The following KIF26B variants were observed in gnomAD, a reference collection of about 807,000 sequenced individuals.
The protein encoded by KIF26B is kinesin family member 26B.
A neutral mutation model predicts 151.2 loss-of-function variants in KIF26B; 63 were observed. The ratio of observed to expected loss-of-function variants is 0.42; its 90% confidence interval spans 0.34 to 0.51. The LOEUF is 0.51. Among genes scored for constraint, KIF26B ranks in the 20% least tolerant of loss-of-function variants. The pLI, the probability that KIF26B is intolerant of heterozygous loss-of-function variation, is 0.07. For missense variants in KIF26B, 2,813 were observed against 2,913.6 expected, an observed-to-expected ratio of 0.97 and a Z score of 0.79; for synonymous variants, 1,357 against 1,262.1, an observed-to-expected ratio of 1.08 and a Z score of -1.59.
chr1:245,402,444 C>T (rs1038429101), intron 3 of KIF26B, among the ~76,000 whole-genome samples: 5 of 152,134 alleles, frequency 3.3e-5, no homozygotes, highest in East Asian at 1.9e-4. Flanking sequence ...ATGTGGCCAA[C>T]GATTCCCATG....
chr1:245,303,299 C>A (rs562464538), intron 2 of KIF26B, among the ~76,000 whole-genome samples: 1 of 149,544 alleles, frequency 6.7e-6, no homozygotes, highest in Non-Finnish European at 1.5e-5. Context: ...CCCGGGTTCA[C>A]GCCATTCTCC....
intron 2 of KIF26B, among the ~76,000 whole-genome samples, chr1:245,328,804 G>A (rs549441055): frequency 1.3e-5 from 2 of 152,296 alleles, no homozygotes; most frequent in Non-Finnish European, 2.9e-5. Flanking sequence ...TCCAGTTGTC[G>A]CTCATCGAGA....
intron 2 of KIF26B, among the ~76,000 whole-genome samples, chr1:245,267,264 T>C (rs370543562): frequency 6.6e-6 from 1 of 152,362 alleles, no homozygotes; most frequent in Admixed American, 6.5e-5. Flanking sequence ...CACACAAGAA[T>C]GTGTGCAGCT....
intron 2 of KIF26B, among the ~76,000 whole-genome samples, chr1:245,300,897 C>G (rs774869984): frequency 3.3e-5 from 5 of 151,356 alleles, no homozygotes; most frequent in Non-Finnish European, 7.4e-5. Flanking sequence ...GTGATGCTAT[C>G]TCAGCTCACT....
intron 4 of KIF26B, among the ~76,000 whole-genome samples, chr1:245,493,301 G>T (rs1660446870): frequency 6.6e-6 from 1 of 152,124 alleles, no homozygotes; most frequent in Admixed American, 6.5e-5. Context: ...AGAGAAAAGT[G>T]CTCCTGGAAT....
chr1:245,276,534 T>C (rs1670942312), intron 2 of KIF26B, among the ~76,000 whole-genome samples: 1 of 152,200 alleles, frequency 6.6e-6, no homozygotes, highest in Non-Finnish European at 1.5e-5. Flanking sequence ...CGCCCTTTCC[T>C]ATTCTAAACC....
intron 5 of KIF26B, among the ~76,000 whole-genome samples, chr1:245,589,607 C>A (rs570117744): frequency 6.6e-6 from 1 of 152,250 alleles, no homozygotes; most frequent in East Asian, 1.9e-4. Context: ...GGGAACAACG[C>A]CAGAAAGACA....
At chr1:245,568,360 T>C (rs1447973178) in intron 5 of KIF26B, among the ~76,000 whole-genome samples, 2 of 151,316 alleles carry the variant, frequency 1.3e-5, no homozygotes, top group Non-Finnish European at 2.9e-5. Context: ...AAATGTTTTT[T>C]AAAAATTAGC....
Position 245,668,177 on chromosome 1 carries a change from T to G in KIF26B, c.2259-16056T>G, listed in dbSNP as rs186178149. 7.9e-5 allele frequency among the ~76,000 whole-genome samples: 12 copies of G among 152,314 alleles called. No individual in the cohort carries two copies. In the East Asian group the frequency reaches 2.1e-3, roughly 27 times the overall value. ...TCCCAAAGTGCTGGGTTTACAGATGTGAGCCACCAAGCCCGGCCCCCTATT... is the reference window on the plus strand; with the variant it reads ...TCCCAAAGTGCTGGGTTTACAGATGGGAGCCACCAAGCCCGGCCCCCTATT... On this transcript the variant is annotated intron_variant, in intron 10 of 14. Transcript: ENST00000407071.
intron 2 of KIF26B, among the ~76,000 whole-genome samples, chr1:245,253,871 G>A (rs556432930): frequency 1.2e-4 from 16 of 137,442 alleles, no homozygotes; most frequent in African/African-American, 4.4e-4. Flanking sequence ...GTGCAGTGGC[G>A]CGATCCCTGC....
chr1:245,575,400 G>A lies in KIF26B; in HGVS notation c.1351-27177G>A, dbSNP rs144351764. Among the ~76,000 whole-genome samples, 1,230 of 151,976 alleles carry A rather than the reference G, an allele frequency of 8.1e-3. 19 individuals carry two copies. The highest frequency in any genetic ancestry group is 0.027 in the African/African-American group (1,135 of 41,488). ...TGAGGCAGGAGAATTGTTTGAACCC[G>A]GGAGGCAGAGGTTGCAGTAAGCTGA... On this transcript the variant is annotated intron_variant, in intron 5 of 14. Coordinates refer to ENST00000407071, the MANE Select transcript of KIF26B (RefSeq NM_018012.4).
intron 2 of KIF26B, among the ~76,000 whole-genome samples, chr1:245,359,135 C>T (rs1380363704): frequency 6.6e-6 from 1 of 152,114 alleles, no homozygotes; most frequent in Non-Finnish European, 1.5e-5. Context: ...TCTCCTGCCT[C>T]AGCCTCCCGG....
In KIF26B at chr1:245,468,674, T is replaced by G. The variant is rs1027932464; in HGVS notation, c.1166+48929T>G. ...AATTATTGTCTGAAATACTTACATC[T>G]TAGAGAGAGAGAGAGAGAGAGAGAG... On this transcript the variant is annotated intron_variant, in intron 4 of 14. Coordinates refer to ENST00000407071, the MANE Select transcript of KIF26B (RefSeq NM_018012.4). Among the ~76,000 whole-genome samples the G allele has an allele frequency of 2.1e-5, 3 of 145,876 alleles. No individual in the cohort carries two copies. In the South Asian group the frequency reaches 6.9e-4, roughly 34 times the overall value.
intron 2 of KIF26B, among the ~76,000 whole-genome samples, chr1:245,235,498 TG>T (rs59039648): frequency 0.023 from 3,434 of 149,916 alleles, 111 homozygotes; most frequent in African/African-American, 0.079. Flanking sequence ...GAGGCAGAGG[TG>T]GGGGGATCGC....
intron 2 of KIF26B, among the ~76,000 whole-genome samples, chr1:245,289,817 T>C (rs1257785324): frequency 6.6e-6 from 1 of 152,202 alleles, no homozygotes; most frequent in African/African-American, 2.4e-5. Flanking sequence ...CAATACATGT[T>C]ATCCTCCTTT....
At chr1:245,407,296 T>TA (rs1486744195) in intron 3 of KIF26B, among the ~76,000 whole-genome samples, 1 of 152,206 alleles carries the variant, frequency 6.6e-6, no homozygotes, top group East Asian at 1.9e-4. Context: ...CCTGTATTCC[T>TA]ATGATTACTT....
At chr1:245,207,392 C>T (rs2103541409) in intron 2 of KIF26B, among the ~76,000 whole-genome samples, 1 of 152,292 alleles carries the variant, frequency 6.6e-6, no homozygotes, top group South Asian at 2.1e-4. Flanking sequence ...ACAATCTAAA[C>T]TGAACCCGAT....
intron 5 of KIF26B, among the ~76,000 whole-genome samples, chr1:245,587,386 A>C (rs1409856862): frequency 6.6e-6 from 1 of 152,104 alleles, no homozygotes; most frequent in Non-Finnish European, 1.5e-5. Context: ...ATAACCCCAG[A>C]GCCTCGCACA....
chr1:245,677,126 C>T (rs565023078), intron 10 of KIF26B, among the ~76,000 whole-genome samples: 5 of 152,300 alleles, frequency 3.3e-5, no homozygotes, highest in South Asian at 2.1e-4. Context: ...TGCCAACCAG[C>T]GGTCTCAGGA....
Sources: allele counts gnomAD v4.1 joint callset (sites outside exome capture counted in the v4.1 genomes callset), GRCh38; gene constraint gnomAD v4.1.1; transcripts MANE v1.5; gene names NCBI Gene and HGNC (gene_info 2026-07-23, HGNC 2026-07-21).